The following ANKS1A variants were observed in gnomAD, a reference collection of about 807,000 sequenced individuals.
The protein encoded by ANKS1A is ankyrin repeat and SAM domain-containing protein 1A.
Under a neutral mutation model 120.3 loss-of-function variants are expected in ANKS1A, and 55 were observed. The observed-to-expected ratio is 0.46, with a 90% CI of 0.37 to 0.57. The LOEUF (loss-of-function observed/expected upper bound fraction) is 0.57. Among genes scored for constraint, ANKS1A ranks in the 20% least tolerant of loss-of-function variants. The pLI is 0.00. For missense variants in ANKS1A, 1,123 were observed against 1,480.3 expected (o/e 0.76, Z 3.96); for synonymous variants, 590 against 604.7 (o/e 0.98, Z 0.36).
chr6:34,974,858 G>T (rs1391068618), intron 3 of ANKS1A, among the ~76,000 whole-genome samples: 1 of 152,074 alleles, frequency 6.6e-6, no homozygotes, highest in Admixed American at 6.5e-5. Flanking sequence ...AGGCATTTTT[G>T]GAATCTGTTT....
At position 34,949,111 on chromosome 6, in the gene ANKS1A, G is replaced by A. The variant is rs907187607; in HGVS notation, c.198-18128G>A. On this transcript the variant is annotated intron_variant, in intron 1 of 23. Transcript: ENST00000360359. ...TGTTTCTGATAAAGGAAACAAGCTT[G>A]TTGTAAACAAAGAAAATGTAGTATT... 3.9e-5 allele frequency among the ~76,000 whole-genome samples: 6 copies of A among 152,242 alleles called. No individual in the cohort carries two copies. In the East Asian group the frequency reaches 1.2e-3, roughly 29 times the overall value.
downstream of ANKS1A, among the ~76,000 whole-genome samples, chr6:35,094,014 G>GGGAGTGCC (rs1217814784): frequency 1.3e-5 from 2 of 152,200 alleles, no homozygotes; most frequent in Non-Finnish European, 2.9e-5. Flanking sequence ...AGGGGCAGCC[G>GGGAGTGCC]GGAGTGCCAC....
At chr6:34,981,635 C>A in intron 3 of ANKS1A, 55 bp from the exon 4 acceptor site, 2 of 1,566,800 alleles carry the variant, frequency 1.3e-6, no homozygotes, top group Admixed American at 1.7e-5. Context: ...TTGTCCCAGT[C>A]AGGTGCCTGT....
chr6:34,918,588 G>A (rs1267233215), intron 1 of ANKS1A, among the ~76,000 whole-genome samples: 1 of 152,116 alleles, frequency 6.6e-6, no homozygotes, highest in Non-Finnish European at 1.5e-5. Flanking sequence ...AGAAAAGAAG[G>A]CAGCAGAAGG....
chr6:35,048,809 G>C lies in ANKS1A; in HGVS notation c.2011-5290G>C, dbSNP rs61708377. Among the ~76,000 whole-genome samples, 828 of 152,328 alleles carry C rather than the reference G, an allele frequency of 5.4e-3. 23 individuals carry two copies. In the East Asian group the frequency reaches 0.092, roughly 17 times the overall value. On this transcript the variant is annotated intron_variant, in intron 11 of 23. Coordinates refer to ENST00000360359, the MANE Select transcript of ANKS1A (RefSeq NM_015245.3). ...CTGATTTTGACGTCAGCAGTCGCCT[G>C]ATGGGATCGGCACAGAGCATCTGGT...
At chr6:35,019,473 G>A (rs1774213026) in intron 11 of ANKS1A, among the ~76,000 whole-genome samples, 1 of 152,138 alleles carries the variant, frequency 6.6e-6, no homozygotes, top group South Asian at 2.1e-4. Flanking sequence ...TAAGGTATAA[G>A]ATGAAGCTTA....
intron 13 of ANKS1A, among the ~76,000 whole-genome samples, chr6:35,077,785 C>T (rs1031310274): frequency 1.3e-5 from 2 of 152,200 alleles, no homozygotes; most frequent in African/African-American, 4.8e-5. Context: ...GTTTCCTCAT[C>T]TGTTAGATTA....
chr6:34,891,870 G>A (rs1458575709), intron 1 of ANKS1A, among the ~76,000 whole-genome samples: 3 of 152,156 alleles, frequency 2.0e-5, no homozygotes, highest in East Asian at 1.9e-4. Flanking sequence ...CTCATGATCC[G>A]CCGGCCTCGG....
chr6:34,957,076 AACTTACCT>A (rs1675380908), intron 1 of ANKS1A, among the ~76,000 whole-genome samples: 1 of 152,150 alleles, frequency 6.6e-6, no homozygotes, highest in African/African-American at 2.4e-5. Context: ...CAGCTCTACT[AACTTACCT>A]ACTTTTTATC....
intron 1 of ANKS1A, among the ~76,000 whole-genome samples, chr6:34,931,465 T>C (rs1768977841): frequency 6.6e-6 from 1 of 152,146 alleles, no homozygotes; most frequent in Non-Finnish European, 1.5e-5. Flanking sequence ...GTTTTCAATA[T>C]TGGACCTTTT....
At chr6:35,001,424 C>T (rs1773159980) in intron 10 of ANKS1A, among the ~76,000 whole-genome samples, 1 of 90,146 alleles carries the variant, frequency 1.1e-5, no homozygotes, top group African/African-American at 2.5e-5. Flanking sequence ...CTGATTGTCC[C>T]TCTTCCACTA....
intron 13 of ANKS1A, among the ~76,000 whole-genome samples, chr6:35,063,455 T>G (rs183665872): frequency 1.3e-5 from 2 of 152,324 alleles, no homozygotes; most frequent in East Asian, 3.9e-4. Context: ...ACGATGGTGG[T>G]CCTGATGCTG....
rs1554141020 is a variant in ANKS1A at position 34,983,312 on chromosome 6, C to T, written c.911-12C>T. ...GCACTTTTTATTTTTATTTTTTGATCTTTCCATGTAGATCACATGACTGGA... is the reference window on the plus strand; with the variant it reads ...GCACTTTTTATTTTTATTTTTTGATTTTTCCATGTAGATCACATGACTGGA... On this transcript the variant is annotated splice_polypyrimidine_tract_variant and intron_variant, in intron 6 of 23. Coordinates refer to ENST00000360359, the MANE Select transcript of ANKS1A (RefSeq NM_015245.3). 1 of 1,613,004 alleles carries T rather than the reference C, an allele frequency of 6.2e-7. No homozygotes were observed. Among genetic ancestry groups the T allele is most frequent in the Non-Finnish European group, 8.5e-7 (1 of 1,179,492 alleles).
rs985234553 is a variant in ANKS1A at position 35,090,255 on chromosome 6, G to A, written c.*1646G>A. ...CCTGTGAGGATGCCCATGAGCTACC[G>A]CTGTACAGTTCTCGGCCCCGGCTTT... On this transcript the variant is annotated 3_prime_UTR_variant, in exon 24 of 24. Coordinates refer to ENST00000360359, the MANE Select transcript of ANKS1A (RefSeq NM_015245.3). The A allele has an allele frequency of 1.6e-5, 20 of 1,289,582 alleles. No individual in the cohort carries two copies. The African/African-American group carries it at 2.1e-4, about 14-fold the overall frequency. 79.9% of individuals were successfully genotyped at this position (1,289,582 alleles called of 1,614,324 possible).
chr6:35,075,745 GTACACACACA>G lies in ANKS1A; in HGVS notation c.2185-2802_2185-2793del, dbSNP rs1488251726. On this transcript the variant is annotated intron_variant, in intron 13 of 23. Coordinates refer to ENST00000360359, the MANE Select transcript of ANKS1A (RefSeq NM_015245.3). ...TAATTTGCTTTATTTTTTGTTGTAT[GTACACACACA>G]TACACACACACTTGTGCACACACAT... Among the ~76,000 whole-genome samples the G allele has an allele frequency of 3.3e-5, 5 of 152,056 alleles. No individual in the cohort carries two copies. The East Asian group carries it at 9.7e-4, about 29-fold the overall frequency.
In ANKS1A at chr6:35,058,113, T is replaced by A. The variant is rs1387990998; in HGVS notation, c.2078-2034T>A. 6.6e-6 allele frequency: 1 copy of A among 152,388 alleles called. No homozygotes were observed. The highest frequency in any genetic ancestry group is 2.4e-5 in the African/African-American group (1 of 41,436). The allele number at this position is 152,388 out of a possible 1,614,324, so 9.4% of individuals were successfully genotyped here. ...ACAGCAGCAGTTGCTTCTGCTCCGA[T>A]GTGATGTCCGATCCCTGATGTATTT... is the stretch of plus-strand genomic sequence containing the variant. On this transcript the variant is annotated intron_variant, in intron 12 of 23. Transcript: ENST00000360359. The surrounding 1 kb of genome is among the most constrained non-coding windows in gnomAD (Gnocchi z 5.1).
At chr6:34,979,052 C>G (rs1384146059) in intron 3 of ANKS1A, among the ~76,000 whole-genome samples, 1 of 151,792 alleles carries the variant, frequency 6.6e-6, no homozygotes, top group Non-Finnish European at 1.5e-5. Flanking sequence ...CCCGCCACCA[C>G]GCCCGGGTAA....
In ANKS1A at chr6:34,889,712, C is replaced by T; in HGVS notation, c.197+113C>T. The stretch of plus-strand genomic sequence containing the variant: ...AGACTCGGGCGGGGTGGGCTTGTGG[C>T]GTGCCCGGGGCGAGGCAGGCGGCCC... On this transcript the variant is annotated intron_variant, in intron 1 of 23. Transcript: ENST00000360359. The surrounding 1 kb of genome is among the most constrained non-coding windows in gnomAD (Gnocchi z 5.5). 8.6e-7 allele frequency: 1 copy of T among 1,165,416 alleles called. No individual in the cohort carries two copies. Among genetic ancestry groups the T allele is most frequent in the East Asian group, 4.3e-5 (1 of 23,370 alleles). The allele number at this position is 1,165,416 out of a possible 1,614,324, so 72.2% of individuals were successfully genotyped here. A position where few individuals can be genotyped will look rare whatever the true frequency, so the allele number is the denominator to read the frequency against.
At position 35,051,097 on chromosome 6, in the gene ANKS1A, C is replaced by T. The variant is rs932221901; in HGVS notation, c.2011-3002C>T. ...TAACCCCAGTGCTTTGGGAGGCTGA[C>T]GCGGGAGGATCCCCTGAGCCCAGGA... On this transcript the variant is annotated intron_variant, in intron 11 of 23. Transcript: ENST00000360359. Among the ~76,000 whole-genome samples, 5 of 152,052 alleles carry T rather than the reference C, an allele frequency of 3.3e-5. 1 individual carries two copies. In the South Asian group the frequency reaches 8.3e-4, roughly 25 times the overall value.
Sources: allele counts gnomAD v4.1 joint callset (sites outside exome capture counted in the v4.1 genomes callset), GRCh38; gene constraint gnomAD v4.1.1; non-coding constraint Gnocchi (gnomAD v3.1); transcripts MANE v1.5; gene names NCBI Gene and HGNC (gene_info 2026-07-23, HGNC 2026-07-21).